Variants in CHRM3 observed in about 807,000 individuals in gnomAD.
CHRM3 encodes the protein cholinergic receptor muscarinic 3, also known as muscarinic acetylcholine receptor M3.
A neutral mutation model predicts 41.8 loss-of-function variants in CHRM3; 11 were observed. That is an observed-to-expected ratio of 0.26 (90% CI 0.17 to 0.44). The LOEUF (loss-of-function observed/expected upper bound fraction) is 0.44, where lower values mean the gene tolerates loss of function less well. Ranked by LOEUF, CHRM3 falls within the 20% of genes least tolerant of loss-of-function variation. The pLI, the probability that CHRM3 is intolerant of heterozygous loss-of-function variation, is 1.00. For synonymous variants in CHRM3, 297 were observed against 301.4 expected (o/e 0.99, Z 0.15); for missense variants, 571 against 745.4 (o/e 0.77, Z 2.72).
At chr1:239,514,406 GTTTTAAATTTTAATTTTTCCT>G in intron 2 of CHRM3, among the ~76,000 whole-genome samples, 1 of 151,710 alleles carries the variant, frequency 6.6e-6, no homozygotes, top group Admixed American at 6.6e-5. Flanking sequence ...ATGGTATTGT[GTTTTAAATTTTAATTTTTCCT>G]TGTTCATTGC....
At chr1:239,784,199 AC>A (rs1267658208) in intron 5 of CHRM3, among the ~76,000 whole-genome samples, 5 of 152,100 alleles carry the variant, frequency 3.3e-5, no homozygotes, top group African/African-American at 1.2e-4. Context: ...TTCCCTGATA[AC>A]TTTTCTTGCT....
intron 4 of CHRM3, among the ~76,000 whole-genome samples, chr1:239,662,475 A>C (rs1464569853): frequency 1.3e-5 from 2 of 152,124 alleles, no homozygotes; most frequent in Non-Finnish European, 2.9e-5. Flanking sequence ...GTATGGTAGC[A>C]CCCTATTCAA....
chr1:239,510,083 CACAAACAA>C (rs200189261), intron 2 of CHRM3, among the ~76,000 whole-genome samples: 1 of 152,122 alleles, frequency 6.6e-6, no homozygotes, highest in African/African-American at 2.4e-5. Context: ...AAGACTCCGT[CACAAACAA>C]ACAAACAAAC....
chr1:239,812,272 T>A (rs1392903708), intron 5 of CHRM3, among the ~76,000 whole-genome samples: 2 of 152,202 alleles, frequency 1.3e-5, no homozygotes, highest in African/African-American at 2.4e-5. Context: ...ACTCCCCAGC[T>A]CAAGTGATCC....
intron 5 of CHRM3, among the ~76,000 whole-genome samples, chr1:239,782,393 G>T (rs1380291911): frequency 6.6e-6 from 1 of 151,938 alleles, no homozygotes; most frequent in African/African-American, 2.4e-5. Context: ...AAATTTGTGG[G>T]CAACATGTGT....
intron 2 of CHRM3, among the ~76,000 whole-genome samples, chr1:239,545,129 T>C (rs1659168802): frequency 6.6e-6 from 1 of 152,242 alleles, no homozygotes; most frequent in Non-Finnish European, 1.5e-5. Flanking sequence ...CATATGGCTT[T>C]CTAGTAATGT....
chr1:239,587,467 A>G lies in CHRM3; in HGVS notation c.-313+41718A>G, dbSNP rs551079439. ...TCCCCTGCCAAAGACACCAGAAAGA[A>G]CTTTTTTCTCATTGAAAATTTTCTT... is the stretch of plus-strand genomic sequence containing the variant. On this transcript the variant is annotated intron_variant, in intron 3 of 6. Transcript: ENST00000676153. 2.0e-5 allele frequency among the ~76,000 whole-genome samples: 3 copies of G among 152,314 alleles called. No homozygotes were observed. In the South Asian group the frequency reaches 6.2e-4, roughly 32 times the overall value.
At chr1:239,887,755 C>T (rs1678195859) in intron 6 of CHRM3, among the ~76,000 whole-genome samples, 1 of 152,054 alleles carries the variant, frequency 6.6e-6, no homozygotes, top group African/African-American at 2.4e-5. Context: ...CTCAGCTATA[C>T]CCAGATCATC....
intron 1 of CHRM3, among the ~76,000 whole-genome samples, chr1:239,439,032 C>G (rs1232594380): frequency 1.3e-5 from 2 of 152,180 alleles, no homozygotes; most frequent in African/African-American, 4.8e-5. Context: ...GGCCTAGCTT[C>G]ATATCCAATT....
chr1:239,499,587 T>C (rs2148122573), intron 2 of CHRM3, among the ~76,000 whole-genome samples: 1 of 152,284 alleles, frequency 6.6e-6, no homozygotes, highest in South Asian at 2.1e-4. Flanking sequence ...TCTCATCCCA[T>C]GTGCTCTTCT....
At chr1:239,420,941 CT>C (rs2103099605) in intron 1 of CHRM3, among the ~76,000 whole-genome samples, 1 of 152,222 alleles carries the variant, frequency 6.6e-6, no homozygotes, top group African/African-American at 2.4e-5. Context: ...TATCAAATCT[CT>C]TACAAGTGAT....
chr1:239,573,421 C>G (rs969030906), intron 3 of CHRM3, among the ~76,000 whole-genome samples: 3 of 151,058 alleles, frequency 2.0e-5, no homozygotes, highest in African/African-American at 7.3e-5. Flanking sequence ...AAGCCTTGAC[C>G]CTGGTTCCCT....
chr1:239,694,697 A>G (rs1268346897), intron 5 of CHRM3, among the ~76,000 whole-genome samples: 1 of 152,220 alleles, frequency 6.6e-6, no homozygotes, highest in Non-Finnish European at 1.5e-5. Context: ...TGGTGGGCAT[A>G]TGAAAATTGA....
intron 4 of CHRM3, among the ~76,000 whole-genome samples, chr1:239,657,634 C>T (rs889381707): frequency 6.6e-6 from 1 of 152,134 alleles, no homozygotes; most frequent in African/African-American, 2.4e-5. Flanking sequence ...TATATTCTGA[C>T]ATTTTTCCCT....
intron 2 of CHRM3, among the ~76,000 whole-genome samples, chr1:239,513,787 T>C (rs1345373924): frequency 6.6e-6 from 1 of 152,192 alleles, no homozygotes; most frequent in Non-Finnish European, 1.5e-5. Flanking sequence ...TATGATCCAT[T>C]TTGGATAAAA....
At chr1:239,570,949 C>G (rs553067308) in intron 3 of CHRM3, among the ~76,000 whole-genome samples, 1 of 152,186 alleles carries the variant, frequency 6.6e-6, no homozygotes, top group African/African-American at 2.4e-5. Context: ...TAGAAGATAG[C>G]AATAACTCTG....
chr1:239,602,089 C>CGTGT (rs1553337591), intron 3 of CHRM3, among the ~76,000 whole-genome samples: 94 of 13,068 alleles, frequency 7.2e-3, no homozygotes, highest in Admixed American at 0.013. Context: ...TACATATATA[C>CGTGT]ATGTGTGTGT....
chr1:239,430,412 T>C (rs1662740839), intron 1 of CHRM3, among the ~76,000 whole-genome samples: 1 of 152,152 alleles, frequency 6.6e-6, no homozygotes, highest in South Asian at 2.1e-4. Context: ...CTCTTGCAAA[T>C]CACCGATATG....
chr1:239,722,100 C>A (rs1408279027), intron 5 of CHRM3, among the ~76,000 whole-genome samples: 1 of 151,916 alleles, frequency 6.6e-6, no homozygotes, highest in Non-Finnish European at 1.5e-5. Context: ...ATTTGATCTT[C>A]TCCTCCATAA....
Sources: gnomAD v4.1 joint callset for allele counts (sites outside exome capture counted in the v4.1 genomes callset) on GRCh38, gnomAD v4.1.1 for gene constraint, MANE v1.5 for transcripts, NCBI Gene and HGNC (gene_info 2026-07-23, HGNC 2026-07-21) for gene names.